The following ACAP1 variants were observed in gnomAD, a reference collection of about 807,000 sequenced individuals.
ACAP1 encodes arf-GAP with coiled-coil, ANK repeat and PH domain-containing protein 1.
Under a neutral mutation model 98.8 loss-of-function variants are expected in ACAP1, and 45 were observed. That is an observed-to-expected ratio of 0.46 (90% CI 0.36 to 0.58). ACAP1 has a LOEUF of 0.58. Ranked by LOEUF, ACAP1 falls within the 20% of genes least tolerant of loss-of-function variation. ACAP1 has a pLI of 0.00. For synonymous variants in ACAP1, 362 were observed against 375.3 expected, an observed-to-expected ratio of 0.96 and a Z score of 0.41; for missense variants, 735 against 971.4, an observed-to-expected ratio of 0.76 and a Z score of 3.24.
chr17:7,350,325 C>T lies in ACAP1; in HGVS notation c.2072+88C>T. Reference sequence around the variant, plus strand: ...TCGGGCGGGCGGGCGGGGCTGACGCCGAAACAGAAGCCTGTGCTGTGGGGC... The same window carrying T: ...TCGGGCGGGCGGGCGGGGCTGACGCTGAAACAGAAGCCTGTGCTGTGGGGC... On this transcript the variant is annotated intron_variant, in intron 20 of 21. Transcript: ENST00000158762. The surrounding 1 kb of genome is among the most constrained non-coding windows in gnomAD (Gnocchi z 4.6). The T allele has an allele frequency of 9.2e-7, 1 of 1,091,852 alleles. No individual in the cohort carries two copies. The highest frequency in any genetic ancestry group is 1.3e-6 in the Non-Finnish European group (1 of 753,388). The allele number at this position is 1,091,852 out of a possible 1,614,324, so 67.6% of individuals were successfully genotyped here. A position where few individuals can be genotyped will look rare whatever the true frequency, so the allele number is the denominator to read the frequency against.
chr17:7,343,918 A>C lies in ACAP1; in HGVS notation c.631A>C (p.Ser211Arg), dbSNP rs375685602. ...TTTCCAGCAGGGCCATGAGGAGCTG[A>C]GCCGGCTGTCCCAGTATCGAAAGGA... The part of the protein sequence containing the change: ...THFQQGHEEL[S>R]RLSQYRKELG... Residue 211 changes from serine to arginine, a missense_variant, in exon 8 of 22, where the codon AGC (serine) becomes CGC (arginine). Ser to Arg is a moderately radical substitution (Grantham distance 110). Coordinates refer to ENST00000158762, the MANE Select transcript of ACAP1 (RefSeq NM_014716.4). This position sits in a 1 kb window ranked among gnomAD's most constrained non-coding sequence, Gnocchi z 4.9. The C allele has an allele frequency of 6.2e-7, 1 of 1,607,710 alleles. No individual in the cohort carries two copies.
Position 7,344,658 on chromosome 17 carries a change from G to T in ACAP1, c.854+10G>T. The T allele has an allele frequency of 6.5e-7, 1 of 1,542,806 alleles. No homozygotes were observed. Among genetic ancestry groups the T allele is most frequent in the Non-Finnish European group, 8.8e-7 (1 of 1,138,994 alleles). On this transcript the variant is annotated intron_variant, in intron 10 of 21. Coordinates refer to ENST00000158762, the MANE Select transcript of ACAP1 (RefSeq NM_014716.4). The surrounding 1 kb of genome is among the most constrained non-coding windows in gnomAD (Gnocchi z 4.9). ...TTAAGACCTGGAGCAGGTGAGGAGA[G>T]GACACCCCCAATCAGCCCGCCCCAC...
At chr17:7,349,710 C>G (rs1178682670) in intron 18 of ACAP1, 4 of 474,136 alleles carry the variant, frequency 8.4e-6, no homozygotes, top group Non-Finnish European at 1.5e-5. Context: ...AACCTCTCAG[C>G]CTCATCTGTA....
chr17:7,347,451 G>A, intron 14 of ACAP1: 1 of 557,934 alleles, frequency 1.8e-6, no homozygotes, highest in Non-Finnish European at 3.1e-6. Context: ...TCCTAGTCTG[G>A]CCAGAATTGG....
intron 1 of ACAP1, 76 bp downstream of exon 1, chr17:7,336,863 C>A: frequency 7.3e-6 from 11 of 1,515,866 alleles, no homozygotes; most frequent in Non-Finnish European, 1.0e-5. Context: ...TTTCCCCAGG[C>A]CAGGTCTCCT....
intron 1 of ACAP1, 180 bp from the exon 2 acceptor site, chr17:7,337,132 T>C: frequency 4.3e-6 from 3 of 690,138 alleles, no homozygotes; most frequent in Admixed American, 4.7e-5. Context: ...TGCTCTGGCC[T>C]GGGCTGTGGT....
rs1437885503 is a variant in ACAP1 at position 7,336,573 on chromosome 17, C to G, written c.-162C>G. 8.4e-6 allele frequency: 6 copies of G among 710,758 alleles called. No homozygotes were observed. The highest frequency in any genetic ancestry group is 1.7e-5 in the African/African-American group (1 of 57,254). The allele number at this position is 710,758 out of a possible 1,614,324, so 44.0% of individuals were successfully genotyped here. A position where few individuals can be genotyped will look rare whatever the true frequency, so the allele number is the denominator to read the frequency against. On this transcript the variant is annotated 5_prime_UTR_variant, in exon 1 of 22. Transcript: ENST00000158762. Reference sequence around the variant, plus strand: ...GGGTGAGAGCTCCTCCTAGGACACCCCTTTCCCCTTGGGGAAAGAATTGTG... The same window carrying G: ...GGGTGAGAGCTCCTCCTAGGACACCGCTTTCCCCTTGGGGAAAGAATTGTG...
intron 18 of ACAP1, chr17:7,349,427 G>A: frequency 5.0e-6 from 2 of 396,074 alleles, no homozygotes; most frequent in South Asian, 8.4e-5. Flanking sequence ...CCAGGCTGGA[G>A]TGCAATGGTG....
At position 7,350,297 on chromosome 17, in the gene ACAP1, C is replaced by G. The variant is rs2073391968; in HGVS notation, c.2072+60C>G. On this transcript the variant is annotated intron_variant, in intron 20 of 21. Coordinates refer to ENST00000158762, the MANE Select transcript of ACAP1 (RefSeq NM_014716.4). The surrounding 1 kb of genome is among the most constrained non-coding windows in gnomAD (Gnocchi z 4.6). The stretch of plus-strand genomic sequence containing the variant: ...GACTCCCCCCACCCCCGCCCACCCA[C>G]GTTCGGGCGGGCGGGCGGGGCTGAC... The G allele has an allele frequency of 2.9e-6, 4 of 1,357,020 alleles. No homozygotes were observed. The highest frequency in any genetic ancestry group is 1.5e-5 in the African/African-American group (1 of 68,852). The allele number at this position is 1,357,020 out of a possible 1,614,324, so 84.1% of individuals were successfully genotyped here.
chr17:7,346,100 C>A, intron 10 of ACAP1, 144 bp from the exon 11 acceptor site: 1 of 765,958 alleles, frequency 1.3e-6, no homozygotes. Context: ...GCACAATTGT[C>A]CACCCTTCTC....
At chr17:7,341,246 A>G (rs1031884504) in intron 2 of ACAP1, among the ~76,000 whole-genome samples, 1 of 152,092 alleles carries the variant, frequency 6.6e-6, no homozygotes, top group Non-Finnish European at 1.5e-5. Flanking sequence ...GACCTCCCGG[A>G]TTCAGGCAGT....
Position 7,337,377 on chromosome 17 carries a change from T to TGACATGGAGAGGTGACCCA in ACAP1, c.111+10_111+28dup. 6.2e-7 allele frequency: 1 copy of TGACATGGAGAGGTGACCCA among 1,613,866 alleles called. No homozygotes were observed. The highest frequency in any genetic ancestry group is 8.5e-7 in the Non-Finnish European group (1 of 1,179,790). On this transcript the variant is annotated intron_variant, in intron 2 of 21. Coordinates refer to ENST00000158762, the MANE Select transcript of ACAP1 (RefSeq NM_014716.4). ...GAGACCCGTCTGGAAAAGGTGACCC[T>TGACATGGAGAGGTGACCCA]GACATGGAGAGGTGACCCAGGAGTG...
In ACAP1 at chr17:7,346,443, G is replaced by A; in HGVS notation, c.959G>A (p.Cys320Tyr). The change falls in exon 12 of 22, where the codon TGC (cysteine) becomes TAC (tyrosine). Residue 320 changes from cysteine (C) to tyrosine (Y), a missense_variant. Cys to Tyr is a radical substitution (Grantham distance 194, BLOSUM62 -2). Transcript: ENST00000158762. ...DDLRLCTVKL[C>Y]PDSERRFCFE... is the part of the protein sequence containing the mutation. The stretch of plus-strand genomic sequence containing the variant: ...CTTCGTCTCTGCACAGTGAAACTCT[G>A]CCCTGACTCAGAAAGGCGGTTCTGC... 6.2e-7 allele frequency: 1 copy of A among 1,613,616 alleles called. No individual in the cohort carries two copies. The highest frequency in any genetic ancestry group is 8.5e-7 in the Non-Finnish European group (1 of 1,179,758).
Position 7,350,247 on chromosome 17 carries a change from C to G in ACAP1, c.2072+10C>G, listed in dbSNP as rs1487489546. The G allele has an allele frequency of 6.2e-7, 1 of 1,611,112 alleles. No individual in the cohort carries two copies. On this transcript the variant is annotated intron_variant, in intron 20 of 21. Transcript: ENST00000158762. The surrounding 1 kb of genome is among the most constrained non-coding windows in gnomAD (Gnocchi z 4.6). ...CTGACATCGTCACCCTGTAAGAATG[C>G]CTGAAGGGGCGGGGCTGGCGCTGGG... is the stretch of plus-strand genomic sequence containing the variant.
In ACAP1 at chr17:7,346,871, C is replaced by G; in HGVS notation, c.1071C>G (p.Ser357Arg). The change falls in exon 13 of 22, where the codon AGC becomes AGG. Residue 357 changes from serine to arginine, a missense_variant. Physicochemically the swap from Ser to Arg is moderately radical, Grantham distance 110. Coordinates refer to ENST00000158762, the MANE Select transcript of ACAP1 (RefSeq NM_014716.4). Reference protein sequence around the residue: ...LLQLWVSAVQSSIASAFSQAR... With the variant: ...LLQLWVSAVQRSIASAFSQAR... ...AGCTGTGGGTCAGTGCTGTGCAGAG[C>G]AGCATTGCTTCTGCCTTCAGTCAGG... 7 of 1,613,490 alleles carry G rather than the reference C, an allele frequency of 4.3e-6. No homozygotes were observed. The highest frequency in any genetic ancestry group is 5.1e-6 in the Non-Finnish European group (6 of 1,179,492).
rs143351258 is a variant in ACAP1 at position 7,347,938 on chromosome 17, T to C, written c.1360T>C (p.Phe454Leu). 21 of 1,614,092 alleles carry C rather than the reference T, an allele frequency of 1.3e-5. No homozygotes were observed. The highest frequency in any genetic ancestry group is 2.7e-5 in the African/African-American group (2 of 74,938). ...GCCCTCCAGGAGCCTTGGTGTTCACTTCTCCAAAGTCCGGTCTCTGACCCT... is the reference window on the plus strand; with the variant it reads ...GCCCTCCAGGAGCCTTGGTGTTCACCTCTCCAAAGTCCGGTCTCTGACCCT... The part of the protein sequence containing the change: ...SGIHRSLGVH[F>L]SKVRSLTLDS... The change falls in exon 15 of 22, where the codon TTC becomes CTC. Residue 454 changes from phenylalanine to leucine, a missense_variant. By Grantham distance (22) the Phe-to-Leu change is conservative. Around this residue, in one of 5 missense-constraint regions of ACAP1, gnomAD observed 81 missense variants for 132.0 expected, o/e 0.61. Transcript: ENST00000158762.
intron 2 of ACAP1, among the ~76,000 whole-genome samples, chr17:7,338,496 C>A (rs1239053159): frequency 2.0e-5 from 3 of 152,032 alleles, no homozygotes; most frequent in Non-Finnish European, 4.4e-5. Flanking sequence ...CTCCTGACCT[C>A]AAATGATCTA....
chr17:7,350,786 A>T lies in ACAP1; in HGVS notation c.2073-164A>T. On this transcript the variant is annotated intron_variant, in intron 20 of 21. Transcript: ENST00000158762. The surrounding 1 kb of genome is among the most constrained non-coding windows in gnomAD (Gnocchi z 4.6). ...CCACCACCCCCGGCTAATTTTTTGT[A>T]TTTTTAGTAGAGACGGGGTTTCACC... 1 of 618,288 alleles carries T rather than the reference A, an allele frequency of 1.6e-6. No individual in the cohort carries two copies. Among genetic ancestry groups the T allele is most frequent in the South Asian group, 1.9e-5 (1 of 53,258 alleles). 38.3% of individuals were successfully genotyped at this position (618,288 alleles called of 1,614,324 possible).
chr17:7,350,340 T>C lies in ACAP1; in HGVS notation c.2072+103T>C, dbSNP rs2292068. 563,776 of 943,508 alleles carry C rather than the reference T, an allele frequency of 0.6. 172,803 individuals are homozygous for C. The highest frequency in any genetic ancestry group is 0.65 in the African/African-American group (38,973 of 59,910). The allele number at this position is 943,508 out of a possible 1,614,324, so 58.4% of individuals were successfully genotyped here. ...GGGCTGACGCCGAAACAGAAGCCTG[T>C]GCTGTGGGGCCTCGGAAAGGGGCTG... On this transcript the variant is annotated intron_variant, in intron 20 of 21. Transcript: ENST00000158762. This position sits in a 1 kb window ranked among gnomAD's most constrained non-coding sequence, Gnocchi z 4.6.
Sources: gnomAD v4.1 joint callset for allele counts (sites outside exome capture counted in the v4.1 genomes callset) on GRCh38, gnomAD v4.1.1 for gene constraint, gnomAD v4.1.1 regional missense constraint, Gnocchi (gnomAD v3.1) non-coding constraint, MANE v1.5 for transcripts, NCBI Gene and HGNC (gene_info 2026-07-23, HGNC 2026-07-21) for gene names.